The following NVL variants were observed in gnomAD, a reference collection of about 807,000 sequenced individuals.
NVL encodes nuclear valosin-containing protein-like.
A neutral mutation model predicts 110.2 loss-of-function variants in NVL; 84 were observed. The observed-to-expected ratio is 0.76, with a 90% CI of 0.64 to 0.91. NVL has a LOEUF of 0.91. NVL is among the 40% of genes least tolerant of loss of function. NVL has a pLI of 0.00. For missense variants in NVL, 882 were observed against 1,035.9 expected (o/e 0.85, Z 2.04); for synonymous variants, 354 against 361.1 (o/e 0.98, Z 0.22).
intron 19 of NVL, among the ~76,000 whole-genome samples, chr1:224,240,859 C>T (rs1343225864): frequency 7.2e-6 from 1 of 139,504 alleles, no homozygotes; most frequent in Non-Finnish European, 1.5e-5. Flanking sequence ...GGCATGATCT[C>T]GGCTCACTGC....
At chr1:224,228,231 GTCTA>G (rs1175781829) in intron 22 of NVL, among the ~76,000 whole-genome samples, 2 of 152,112 alleles carry the variant, frequency 1.3e-5, no homozygotes, top group Non-Finnish European at 2.9e-5. Flanking sequence ...AGAGTCTTAT[GTCTA>G]TCTAATTAGT....
chr1:224,307,848 C>A, intron 6 of NVL, 143 bp downstream of exon 6: 1 of 623,940 alleles, frequency 1.6e-6, no homozygotes, highest in Non-Finnish European at 2.5e-6. Context: ...GAATGGAAAG[C>A]AGTGCAATGT....
chr1:224,285,846 G>A (rs1368042067), intron 15 of NVL, among the ~76,000 whole-genome samples, 180 bp downstream of exon 15: 1 of 152,120 alleles, frequency 6.6e-6, no homozygotes, highest in African/African-American at 2.4e-5. Flanking sequence ...TTTCAATCAT[G>A]TGCCTTTGTA....
At chr1:224,273,848 T>C (rs1214182303) in intron 17 of NVL, among the ~76,000 whole-genome samples, 2 of 152,260 alleles carry the variant, frequency 1.3e-5, no homozygotes, top group East Asian at 3.9e-4. Context: ...CTATCAAAGA[T>C]AAGCCTGTAG....
chr1:224,261,084 C>T (rs888824075), intron 18 of NVL, among the ~76,000 whole-genome samples: 4 of 152,112 alleles, frequency 2.6e-5, no homozygotes, highest in Admixed American at 1.3e-4. Context: ...CCATGTTGGC[C>T]AGGCTGGTCT....
chr1:224,234,387 A>AT (rs554105423), intron 20 of NVL, among the ~76,000 whole-genome samples: 4 of 152,062 alleles, frequency 2.6e-5, no homozygotes, highest in Non-Finnish European at 5.9e-5. Context: ...TGAAAAATAA[A>AT]TTTTTTTAAA....
In NVL at chr1:224,236,509, T is replaced by C. The variant is rs773949630; in HGVS notation, c.2363A>G (p.Tyr788Cys). 6.8e-6 allele frequency: 11 copies of C among 1,611,792 alleles called. No individual in the cohort carries two copies. The highest frequency in any genetic ancestry group is 3.3e-5 in the South Asian group (3 of 91,032). The stretch of plus-strand genomic sequence containing the variant: ...GACTTAAGATTTAAACACTTACGTA[T>C]AGCAATCACAGCGAAGGTCACCAGC... ...AIAGDLRCDC[Y>C]TGADLSALVR... is the part of the protein sequence containing the mutation. The change falls in exon 20 of 23, where the codon TAT becomes TGT. Residue 788 changes from tyrosine (Y) to cysteine (C), a missense_variant. Tyr to Cys is a radical substitution (Grantham distance 194). Transcript: ENST00000281701.
chr1:224,311,676 T>A lies in NVL; in HGVS notation c.342+124A>T, dbSNP rs1157783206. ...CTCAAGTGATCTGCATGCCTCAGCC[T>A]CCCAAAGTGTTGGGATTAGAGGTGT... On this transcript the variant is annotated intron_variant, in intron 5 of 22. Transcript: ENST00000281701. 6.8e-6 allele frequency: 5 copies of A among 737,540 alleles called. No homozygotes were observed. In the East Asian group the frequency reaches 1.3e-4, roughly 19 times the overall value. 45.7% of individuals were successfully genotyped at this position (737,540 alleles called of 1,614,324 possible). A position where few individuals can be genotyped will look rare whatever the true frequency, so the allele number is the denominator to read the frequency against.
chr1:224,328,258 G>A lies in NVL; in HGVS notation c.58-1794C>T, dbSNP rs566916862. On this transcript the variant is annotated intron_variant, in intron 1 of 22. Coordinates refer to ENST00000281701, the MANE Select transcript of NVL (RefSeq NM_002533.4). ...CCCTTTAAAAGGATGTCTTGGCCAC[G>A]CCTGTAATCCCAGCACTTTGGGAGG... Among the ~76,000 whole-genome samples the A allele has an allele frequency of 8.5e-5, 13 of 152,154 alleles. No homozygotes were observed. The South Asian group carries it at 2.5e-3, about 29-fold the overall frequency.
intron 19 of NVL, 140 bp downstream of exon 19, chr1:224,250,071 CT>C (rs1286462146): frequency 6.3e-5 from 45 of 709,608 alleles, no homozygotes; most frequent in Middle Eastern, 3.4e-4. Context: ...ATCAGTTCAC[CT>C]TCCCTTTGGG....
intron 3 of NVL, 36 bp downstream of exon 3, chr1:224,317,842 C>T (rs1670244557): frequency 6.5e-7 from 1 of 1,534,222 alleles, no homozygotes; most frequent in Non-Finnish European, 8.9e-7. Context: ...GTTTGTATAA[C>T]TTTATTGATA....
Position 224,227,733 on chromosome 1 carries a change from C to G in NVL, c.2527-63G>C. Reference sequence around the variant, plus strand: ...CTGCTTGTTTTGGGCTGAATGGTGCCCCCCAAAATTCACATGCTGCAGTCC... The same window carrying G: ...CTGCTTGTTTTGGGCTGAATGGTGCGCCCCAAAATTCACATGCTGCAGTCC... On this transcript the variant is annotated intron_variant, in intron 22 of 22. Transcript: ENST00000281701. 6 of 1,522,290 alleles carry G rather than the reference C, an allele frequency of 3.9e-6. No homozygotes were observed. In the South Asian group the frequency reaches 7.0e-5, roughly 18 times the overall value. The allele number at this position is 1,522,290 out of a possible 1,614,324, so 94.3% of individuals were successfully genotyped here.
In NVL at chr1:224,305,082, C is replaced by T. The variant is rs1319136880; in HGVS notation, c.700G>A (p.Asp234Asn). 2 of 1,613,812 alleles carry T rather than the reference C, an allele frequency of 1.2e-6. No homozygotes were observed. The highest frequency in any genetic ancestry group is 1.7e-6 in the Non-Finnish European group (2 of 1,179,886). The change falls in exon 7 of 23, where the codon GAT (aspartate) becomes AAT (asparagine). Residue 234 changes from aspartate (D) to asparagine (N), a missense_variant. Physicochemically the swap from Asp to Asn is conservative, Grantham distance 23. This residue lies in a region of NVL where 274 missense variants were observed against 268.4 expected (regional missense o/e 1.02). Coordinates refer to ENST00000281701, the MANE Select transcript of NVL (RefSeq NM_002533.4). ...ATTTCTCCATCTACTTCCTGAAGAT[C>T]TTCTTTCTTCCTTTTGCTTCCTTTA... is the stretch of plus-strand genomic sequence containing the variant. The part of the protein sequence containing the change: ...KNKGSKRKKE[D>N]LQEVDGEIEA...
chr1:224,326,852 G>A (rs1671193559), intron 1 of NVL, among the ~76,000 whole-genome samples: 1 of 152,166 alleles, frequency 6.6e-6, no homozygotes, highest in African/African-American at 2.4e-5. Context: ...ACTAGCTTGA[G>A]GCAATTTAGT....
At chr1:224,295,689 A>G (rs1301856498) in intron 11 of NVL, among the ~76,000 whole-genome samples, 1 of 151,644 alleles carries the variant, frequency 6.6e-6, no homozygotes, top group South Asian at 2.1e-4. Flanking sequence ...CTTTAAAAAA[A>G]AAAAACACCC....
chr1:224,321,143 T>G lies in NVL; in HGVS notation c.132-3213A>C, dbSNP rs181362671. 3.9e-3 allele frequency among the ~76,000 whole-genome samples: 588 copies of G among 152,224 alleles called. 3 individuals are homozygous for G. The highest frequency in any genetic ancestry group is 5.5e-3 in the Non-Finnish European group (374 of 68,010). On this transcript the variant is annotated intron_variant, in intron 2 of 22. Coordinates refer to ENST00000281701, the MANE Select transcript of NVL (RefSeq NM_002533.4). Reference sequence around the variant, plus strand: ...GGCATGTGCCTTAGTTCCAGCCATCTGGGGGCTGAGGCAGAAGGATGAGCC... The same window carrying G: ...GGCATGTGCCTTAGTTCCAGCCATCGGGGGGCTGAGGCAGAAGGATGAGCC...
chr1:224,246,911 C>T (rs6426084), intron 19 of NVL, among the ~76,000 whole-genome samples: 150,338 of 152,136 alleles, frequency 0.99, 74,308 homozygotes, highest in Middle Eastern at 1. Flanking sequence ...TGTGGTGGCA[C>T]GCACCTGTGG....
rs750520973 is a variant in NVL, at chr1:224,303,704, A to G, written c.960+19T>C. 1.9e-6 allele frequency: 3 copies of G among 1,593,042 alleles called. No homozygotes were observed. The African/African-American group carries it at 4.1e-5, about 22-fold the overall frequency. ...AACAACAAAAACAGCAAAAGCAAAC[A>G]AATGTCAGCAAGCCTCACCCCAGCA... On this transcript the variant is annotated intron_variant, in intron 9 of 22. Transcript: ENST00000281701.
At position 224,330,103 on chromosome 1, in the gene NVL, C is replaced by T. The variant is rs1190594628; in HGVS notation, c.25G>A (p.Val9Met). 1 of 1,614,142 alleles carries T rather than the reference C, an allele frequency of 6.2e-7. No individual in the cohort carries two copies. Among genetic ancestry groups the T allele is most frequent in the Non-Finnish European group, 8.5e-7 (1 of 1,180,000 alleles). Reference sequence around the variant, plus strand: ...ACTCGCTGCTTGAGTTTATTATCCACGAACCCTGCAGGTCTGGGCTTCATC... The same window carrying T: ...ACTCGCTGCTTGAGTTTATTATCCATGAACCCTGCAGGTCTGGGCTTCATC... MKPRPAGF[V>M]DNKLKQRVIQ... The change falls in exon 1 of 23, where the codon GTG (valine) becomes ATG (methionine). Residue 9 changes from valine (V) to methionine (M), a missense_variant. Transcript: ENST00000281701.
Sources: allele counts gnomAD v4.1 joint callset (sites outside exome capture counted in the v4.1 genomes callset), GRCh38; gene constraint gnomAD v4.1.1; regional missense constraint gnomAD v4.1.1; transcripts MANE v1.5; gene names NCBI Gene and HGNC (gene_info 2026-07-23, HGNC 2026-07-21).